The following SUSD6 variants were observed in gnomAD, a reference collection of about 807,000 sequenced individuals.
SUSD6 encodes the protein sushi domain-containing protein 6.
A neutral mutation model predicts 28.4 loss-of-function variants in SUSD6; 16 were observed. The ratio of observed to expected loss-of-function variants is 0.56; its 90% CI spans 0.38 to 0.86. The LOEUF is 0.86. Among genes scored for constraint, SUSD6 ranks in the 40% least tolerant of loss-of-function variants. The pLI, the probability that SUSD6 is intolerant of heterozygous loss-of-function variation, is 0.00. For missense variants in SUSD6, 341 were observed against 384.2 expected (o/e 0.89, Z 0.94); for synonymous variants, 147 against 159.6 (o/e 0.92, Z 0.59).
chr14:69,702,939 CCT>C (rs1886333111), intron 2 of SUSD6, among the ~76,000 whole-genome samples: 1 of 152,242 alleles, frequency 6.6e-6, no homozygotes, highest in African/African-American at 2.4e-5. Flanking sequence ...TCAGAAATCC[CCT>C]CTCAGGCCAA....
chr14:69,699,227 A>G (rs1886277176), intron 2 of SUSD6, among the ~76,000 whole-genome samples: 1 of 151,860 alleles, frequency 6.6e-6, no homozygotes, highest in Admixed American at 6.6e-5. Context: ...TTTTTTAAAC[A>G]GAGTCTCACT....
chr14:69,703,778 T>G, intron 3 of SUSD6, 186 bp downstream of exon 3: 2 of 619,824 alleles, frequency 3.2e-6, no homozygotes, highest in East Asian at 5.5e-5. Flanking sequence ...TGCTGGTGCA[T>G]GTCCTATTGC....
chr14:69,614,626 C>T (rs1884932340), intron 1 of SUSD6, among the ~76,000 whole-genome samples: 1 of 152,166 alleles, frequency 6.6e-6, no homozygotes, highest in Admixed American at 6.5e-5. Flanking sequence ...TTTCTTCTGC[C>T]CTTTTTTCAT....
At chr14:69,616,719 A>G (rs1884964809) in intron 1 of SUSD6, among the ~76,000 whole-genome samples, 1 of 152,232 alleles carries the variant, frequency 6.6e-6, no homozygotes, top group Admixed American at 6.5e-5. Flanking sequence ...GCATGATTCT[A>G]CCACCCTAAC....
intron 2 of SUSD6, among the ~76,000 whole-genome samples, chr14:69,686,139 GA>G (rs1886069655): frequency 6.6e-6 from 1 of 152,250 alleles, no homozygotes; most frequent in African/African-American, 2.4e-5. Flanking sequence ...GAATGTGCCA[GA>G]AGTAAGAAAT....
At position 69,633,495 on chromosome 14, in the gene SUSD6, T is replaced by C. The variant is rs147012045; in HGVS notation, c.-81+21667T>C. Among the ~76,000 whole-genome samples the C allele has an allele frequency of 9.8e-4, 150 of 152,362 alleles. 1 individual carries two copies. Among genetic ancestry groups the C allele is most frequent in the African/African-American group, 3.4e-3 (141 of 41,588 alleles). Reference sequence around the variant, plus strand: ...TTCCCTCTTTACACCCTCATACTTATTCAGCCCTCAAAGCTTTCAGGTCAG... The same window carrying C: ...TTCCCTCTTTACACCCTCATACTTACTCAGCCCTCAAAGCTTTCAGGTCAG... On this transcript the variant is annotated intron_variant, in intron 1 of 5. Transcript: ENST00000342745.
chr14:69,703,474 C>T lies in SUSD6; in HGVS notation c.201C>T (p.Gly67=). ...CCTGCAGAGACCCCCTGACAGCAGG[C>T]AGTGTCATCGAATACCTGTGTGCTG... ...PRPCRDPLTA[G]SVIEYLCAEG... Residue 67 remains glycine (G), a synonymous_variant, in exon 3 of 6, where the codon GGC becomes GGT. Coordinates refer to ENST00000342745, the MANE Select transcript of SUSD6 (RefSeq NM_014734.4). 1 of 1,614,124 alleles carries T rather than the reference C, an allele frequency of 6.2e-7. No homozygotes were observed. Among genetic ancestry groups the T allele is most frequent in the Non-Finnish European group, 8.5e-7 (1 of 1,179,970 alleles).
intron 3 of SUSD6, 84 bp from the exon 4 acceptor site, chr14:69,704,520 A>T: frequency 7.1e-7 from 1 of 1,413,406 alleles, no homozygotes; most frequent in Non-Finnish European, 9.7e-7. Context: ...TTCAGGAGGC[A>T]TTTGACAAGA....
At chr14:69,637,558 G>A (rs1171211416) in intron 1 of SUSD6, among the ~76,000 whole-genome samples, 1 of 152,214 alleles carries the variant, frequency 6.6e-6, no homozygotes, top group African/African-American at 2.4e-5. Context: ...GTGTGTGGGT[G>A]CTGGAGAGCC....
chr14:69,668,909 G>A (rs1223651521), intron 2 of SUSD6, among the ~76,000 whole-genome samples: 1 of 150,908 alleles, frequency 6.6e-6, no homozygotes, highest in Non-Finnish European at 1.5e-5. Context: ...TTCCCTCTTT[G>A]CCTTCCACCA....
rs1297687762 is a variant in SUSD6 at position 69,713,013 on chromosome 14, GAC to G, written c.*2036_*2037del. ...GTCTTCCTCCAAAACAGAAAGCAGT[GAC>G]AAAAGGGGGAGGGGTGGTAATCTGA... On this transcript the variant is annotated 3_prime_UTR_variant, in exon 6 of 6. Coordinates refer to ENST00000342745, the MANE Select transcript of SUSD6 (RefSeq NM_014734.4). 6.6e-6 allele frequency: 1 copy of G among 152,300 alleles called. No individual in the cohort carries two copies. The highest frequency in any genetic ancestry group is 1.5e-5 in the Non-Finnish European group (1 of 68,130). 9.4% of individuals were successfully genotyped at this position (152,300 alleles called of 1,614,324 possible).
intron 2 of SUSD6, among the ~76,000 whole-genome samples, chr14:69,687,697 A>C (rs1367687899): frequency 6.6e-6 from 1 of 152,174 alleles, no homozygotes; most frequent in Non-Finnish European, 1.5e-5. Flanking sequence ...AATCTCTCTA[A>C]TTATAGCAGT....
In SUSD6 at chr14:69,611,845, G is replaced by GC. The variant is rs1228562166; in HGVS notation, c.-81+20dup. 7 of 151,800 alleles carry GC rather than the reference G, an allele frequency of 4.6e-5. No homozygotes were observed. Among genetic ancestry groups the GC allele is most frequent in the Non-Finnish European group, 8.8e-5 (6 of 67,854 alleles). The allele number at this position is 151,800 out of a possible 1,614,324, so 9.4% of individuals were successfully genotyped here. On this transcript the variant is annotated intron_variant, in intron 1 of 5. Coordinates refer to ENST00000342745, the MANE Select transcript of SUSD6 (RefSeq NM_014734.4). ...GGCTCCCGGGTGAGTTGTCACCGCG[G>GC]CCCGGGGGCGGCGGGGCCGGCATTG...
chr14:69,700,869 A>G (rs2139643902), intron 2 of SUSD6, among the ~76,000 whole-genome samples: 1 of 152,332 alleles, frequency 6.6e-6, no homozygotes, highest in South Asian at 2.1e-4. Context: ...TACCTTGTAT[A>G]TTTCCCATGA....
At chr14:69,699,226 C>CA (rs1886277218) in intron 2 of SUSD6, among the ~76,000 whole-genome samples, 1 of 151,874 alleles carries the variant, frequency 6.6e-6, no homozygotes, top group South Asian at 2.1e-4. Flanking sequence ...TTTTTTTAAA[C>CA]AGAGTCTCAC....
chr14:69,707,474 A>G (rs1886402302), intron 4 of SUSD6, among the ~76,000 whole-genome samples: 1 of 152,258 alleles, frequency 6.6e-6, no homozygotes. Flanking sequence ...AAAAATATGC[A>G]AAACTGTCCA....
At chr14:69,689,254 G>A (rs1056708241) in intron 2 of SUSD6, among the ~76,000 whole-genome samples, 23 of 152,062 alleles carry the variant, frequency 1.5e-4, no homozygotes, top group African/African-American at 2.7e-4. Context: ...TATTATAGTC[G>A]TTTATTAGAA....
chr14:69,667,014 C>T (rs1885752155), intron 2 of SUSD6, among the ~76,000 whole-genome samples: 1 of 152,178 alleles, frequency 6.6e-6, no homozygotes, highest in South Asian at 2.1e-4. Flanking sequence ...ATGTAGTAGA[C>T]ACATGTCTCC....
intron 2 of SUSD6, among the ~76,000 whole-genome samples, chr14:69,699,121 A>C (rs781141830): frequency 3.9e-5 from 6 of 152,172 alleles, no homozygotes; most frequent in Non-Finnish European, 8.8e-5. Flanking sequence ...CATCACTGAG[A>C]GGGTCCTCTT....
Sources: gnomAD v4.1 joint callset for allele counts (sites outside exome capture counted in the v4.1 genomes callset) on GRCh38, gnomAD v4.1.1 for gene constraint, MANE v1.5 for transcripts, NCBI Gene and HGNC (gene_info 2026-07-23, HGNC 2026-07-21) for gene names.